SV2C: variants seen among roughly 807,000 people sequenced by gnomAD.
SV2C encodes synaptic vesicle glycoprotein 2C.
SV2C carries 49 observed loss-of-function variants against 79.7 expected under a neutral mutation model. The ratio of observed to expected loss-of-function variants is 0.61; its 90% CI spans 0.49 to 0.78. SV2C has a LOEUF of 0.78. Ranked by LOEUF, SV2C falls within the 30% of genes least tolerant of loss-of-function variation. The probability of loss-of-function intolerance (pLI) is 0.00; values close to 1 mark genes in which losing one functional copy is unlikely to be tolerated. For missense variants in SV2C, 833 were observed against 912.9 expected, an observed-to-expected ratio of 0.91 and a Z score of 1.13; for synonymous variants, 334 against 333.2, an observed-to-expected ratio of 1.00 and a Z score of -0.03.
chr5:76,014,688 C>CA, the SV2C span, among the ~76,000 whole-genome samples: 5 of 151,716 alleles, frequency 3.3e-5, no homozygotes, highest in African/African-American at 1.2e-4. Flanking sequence ...ACACACACAC[C>CA]CCCTAACATA....
At chr5:76,344,177 T>A (rs1296934188) in intron 12 of SV2C, among the ~76,000 whole-genome samples, 1 of 152,234 alleles carries the variant, frequency 6.6e-6, no homozygotes, top group Non-Finnish European at 1.5e-5. Context: ...TTTTTATGAT[T>A]CCTTCTGAAG....
chr5:76,098,600 C>T (rs923462222), intron 1 of SV2C, among the ~76,000 whole-genome samples: 1 of 152,188 alleles, frequency 6.6e-6, no homozygotes, highest in African/African-American at 2.4e-5. Context: ...GAACCTGATA[C>T]GTAATAATCA....
chr5:76,224,161 C>T (rs1745173353), intron 4 of SV2C, among the ~76,000 whole-genome samples: 1 of 152,176 alleles, frequency 6.6e-6, no homozygotes, highest in Non-Finnish European at 1.5e-5. Flanking sequence ...AAGGGCTCCA[C>T]CCTTTGAAGG....
the SV2C span, among the ~76,000 whole-genome samples, chr5:75,954,530 G>A: frequency 6.6e-6 from 1 of 151,418 alleles, no homozygotes; most frequent in Admixed American, 6.6e-5. Flanking sequence ...CATAGTGATG[G>A]AAGTTCTGGC....
chr5:76,218,450 T>C (rs1744967420), intron 4 of SV2C, among the ~76,000 whole-genome samples: 1 of 152,180 alleles, frequency 6.6e-6, no homozygotes, highest in South Asian at 2.1e-4. Context: ...CTCATGTCCT[T>C]TGCAGGGGCA....
intron 1 of SV2C, among the ~76,000 whole-genome samples, chr5:76,115,843 C>T (rs1748247153): frequency 6.6e-6 from 1 of 152,208 alleles, no homozygotes; most frequent in Non-Finnish European, 1.5e-5. Context: ...GGTGATATGT[C>T]CCAGCCACTT....
intron 4 of SV2C, among the ~76,000 whole-genome samples, chr5:76,231,890 A>G (rs1434032166): frequency 1.4e-5 from 2 of 145,370 alleles, no homozygotes; most frequent in East Asian, 1.9e-4. Flanking sequence ...TAATGCCGCA[A>G]TAAACATACG....
Position 76,300,741 on chromosome 5 carries a change from A to G in SV2C, c.1649A>G (p.Tyr550Cys). 6.2e-7 allele frequency: 1 copy of G among 1,614,050 alleles called. No individual in the cohort carries two copies. Among genetic ancestry groups the G allele is most frequent in the East Asian group, 2.2e-5 (1 of 44,884 alleles). Reference sequence around the variant, plus strand: ...GTTGTTTCTACAGATTTTGAGCCATATAAATTCATTGACAGTGAATTTAAA... The same window carrying G: ...GTTGTTTCTACAGATTTTGAGCCATGTAAATTCATTGACAGTGAATTTAAA... Reference protein sequence around the residue: ...TVFDNTDFEPYKFIDSEFKNC... With the variant: ...TVFDNTDFEPCKFIDSEFKNC... The change falls in exon 11 of 13, where the codon TAT (tyrosine) becomes TGT (cysteine). Residue 550 changes from tyrosine (Y) to cysteine (C), a missense_variant. Physicochemically the swap from Tyr to Cys is radical, Grantham distance 194. Coordinates refer to ENST00000502798, the MANE Select transcript of SV2C (RefSeq NM_014979.4).
chr5:76,309,645 A>T, intron 12 of SV2C, among the ~76,000 whole-genome samples: 1 of 150,822 alleles, frequency 6.6e-6, no homozygotes, highest in African/African-American at 2.4e-5. Flanking sequence ...AGAAAGAAAA[A>T]TGTAGGTTGG....
rs535339866 is a variant in SV2C, at chr5:76,298,630, A to G, written c.1503-164A>G. Among the ~76,000 whole-genome samples, 29 of 152,298 alleles carry G rather than the reference A, an allele frequency of 1.9e-4. No homozygotes were observed. The South Asian group carries it at 5.2e-3, about 27-fold the overall frequency. On this transcript the variant is annotated intron_variant, in intron 9 of 12. Coordinates refer to ENST00000502798, the MANE Select transcript of SV2C (RefSeq NM_014979.4). Reference sequence around the variant, plus strand: ...ATAGCCAAAGGTCAGCCTGGATGAGAAAAAGGGGAAAAAGCAGAGAGCTAA... The same window carrying G: ...ATAGCCAAAGGTCAGCCTGGATGAGGAAAAGGGGAAAAAGCAGAGAGCTAA...
intron 2 of SV2C, chr5:76,173,899 G>A (rs1272374651): frequency 1.3e-6 from 2 of 1,593,968 alleles, no homozygotes; most frequent in South Asian, 1.1e-5. Flanking sequence ...GTTCTCTCAG[G>A]TCTTGTAAAT....
the SV2C span, among the ~76,000 whole-genome samples, chr5:75,885,281 A>G: frequency 6.6e-6 from 1 of 152,162 alleles, no homozygotes; most frequent in Non-Finnish European, 1.5e-5. Context: ...ATATTTTATT[A>G]GCCTCTGTAC....
intron 2 of SV2C, among the ~76,000 whole-genome samples, chr5:76,190,927 G>T (rs1194460200): frequency 3.3e-5 from 5 of 152,044 alleles, no homozygotes; most frequent in Admixed American, 3.3e-4. Flanking sequence ...AACCTAAGAA[G>T]ATCTGCATAT....
Position 76,131,832 on chromosome 5 carries a change from A to C in SV2C, c.82A>C (p.Lys28Gln), listed in dbSNP as rs370939122. Residue 28 changes from lysine to glutamine, a missense_variant, in exon 2 of 13, where the codon AAG (lysine) becomes CAG (glutamine). Physicochemically the swap from Lys to Gln is moderately conservative, Grantham distance 53. Coordinates refer to ENST00000502798, the MANE Select transcript of SV2C (RefSeq NM_014979.4). ...CAGAGAGGTGAAGAAACAAACAGTA[A>C]AGAAGGTGAATCAAGCTGTGGACCG... ...IAREVKKQTV[K>Q]KVNQAVDRAQ... is the part of the protein sequence containing the mutation. 4 of 1,613,978 alleles carry C rather than the reference A, an allele frequency of 2.5e-6. No individual in the cohort carries two copies. In the African/African-American group the frequency reaches 5.3e-5, roughly 22 times the overall value.
chr5:76,084,376 A>G (rs1245318266), intron 1 of SV2C, among the ~76,000 whole-genome samples: 3 of 152,016 alleles, frequency 2.0e-5, no homozygotes, highest in Non-Finnish European at 4.4e-5. Context: ...CCTTTCTCTT[A>G]GTGGGCTTTT....
intron 2 of SV2C, among the ~76,000 whole-genome samples, chr5:76,153,671 C>T (rs939127297): frequency 6.6e-6 from 1 of 152,142 alleles, no homozygotes; most frequent in Admixed American, 6.5e-5. Flanking sequence ...GGTTAGTGCT[C>T]TCAGAGGGCA....
At chr5:76,346,413 C>A (rs552154415) in intron 12 of SV2C, among the ~76,000 whole-genome samples, 1 of 152,318 alleles carries the variant, frequency 6.6e-6, no homozygotes, top group African/African-American at 2.4e-5. Flanking sequence ...CACTCCAGCA[C>A]TTCAGTGGAT....
At chr5:76,228,507 C>T (rs1392217229) in intron 4 of SV2C, among the ~76,000 whole-genome samples, 1 of 152,098 alleles carries the variant, frequency 6.6e-6, no homozygotes, top group Non-Finnish European at 1.5e-5. Flanking sequence ...ATGGAAAAAC[C>T]CGTAACGGAG....
At chr5:75,898,853 C>T in the SV2C span, among the ~76,000 whole-genome samples, 51 of 152,262 alleles carry the variant, frequency 3.3e-4, no homozygotes, top group East Asian at 3.1e-3. Context: ...AGTTGATTTG[C>T]GTAGAGGTGT....
Sources: gnomAD v4.1 joint callset for allele counts (sites outside exome capture counted in the v4.1 genomes callset) on GRCh38, gnomAD v4.1.1 for gene constraint, MANE v1.5 for transcripts, NCBI Gene and HGNC (gene_info 2026-07-23, HGNC 2026-07-21) for gene names.